The following MICAL3 variants were observed in gnomAD, a reference collection of about 807,000 sequenced individuals.
MICAL3 encodes the protein [F-actin]-monooxygenase MICAL3.
A neutral mutation model predicts 207.4 loss-of-function variants in MICAL3; 62 were observed. The ratio of observed to expected loss-of-function variants is 0.30; its 90% CI spans 0.24 to 0.37. The LOEUF is 0.37. Among genes scored for constraint, MICAL3 ranks in the 10% least tolerant of loss-of-function variants. The pLI, the probability that MICAL3 is intolerant of heterozygous loss-of-function variation, is 1.00. For missense variants in MICAL3, 2,368 were observed against 2,635.6 expected, an observed-to-expected ratio of 0.90 and a Z score of 2.22; for synonymous variants, 1,077 against 1,069.3, an observed-to-expected ratio of 1.01 and a Z score of -0.14.
At chr22:17,958,958 G>C (rs181956851) in intron 1 of MICAL3, among the ~76,000 whole-genome samples, 28 of 150,468 alleles carry the variant, frequency 1.9e-4, no homozygotes, top group Admixed American at 4.6e-4. Context: ...TGCTCGCCTC[G>C]GCCTCGCAAA....
At chr22:17,959,047 G>A (rs9754514) in intron 1 of MICAL3, among the ~76,000 whole-genome samples, 25,077 of 114,576 alleles carry the variant, frequency 0.22, 2,640 homozygotes, top group Middle Eastern at 0.38. Context: ...ATGGAGTCTC[G>A]CTCTGTTGCC....
intron 1 of MICAL3, among the ~76,000 whole-genome samples, chr22:17,984,715 A>T (rs1936076764): frequency 6.6e-6 from 1 of 152,220 alleles, no homozygotes; most frequent in Non-Finnish European, 1.5e-5. Context: ...TATTTATTAA[A>T]CGCTTATAGC....
chr22:17,845,692 A>C (rs555284118), intron 19 of MICAL3, among the ~76,000 whole-genome samples: 1 of 152,230 alleles, frequency 6.6e-6, no homozygotes, highest in East Asian at 1.9e-4. Flanking sequence ...ATGAGGAGGA[A>C]AGGCATCACT....
chr22:17,981,351 C>A (rs1935901274), intron 1 of MICAL3, among the ~76,000 whole-genome samples: 1 of 149,922 alleles, frequency 6.7e-6, no homozygotes. Flanking sequence ...AGGAATAAAA[C>A]AAAAGTGAAA....
At chr22:18,011,524 C>T (rs1966803) in intron 1 of MICAL3, among the ~76,000 whole-genome samples, 8,062 of 151,222 alleles carry the variant, frequency 0.053, 676 homozygotes, top group African/African-American at 0.18. Context: ...GCCGAGATCA[C>T]GCCATTGCAC....
intron 27 of MICAL3, 140 bp from the exon 28 acceptor site, chr22:17,810,953 TGTAGA>T (rs1460583335): frequency 4.0e-5 from 26 of 652,616 alleles, no homozygotes; most frequent in South Asian, 1.2e-4. Flanking sequence ...AGCTGTCCTC[TGTAGA>T]GTAGAGTGCT....
At chr22:18,014,790 G>A (rs1172436536) in intron 1 of MICAL3, among the ~76,000 whole-genome samples, 2 of 151,930 alleles carry the variant, frequency 1.3e-5, no homozygotes, top group Non-Finnish European at 1.5e-5. Context: ...TCAGGAGATC[G>A]AGACCATCCT....
rs1372956027 is a variant in MICAL3 at position 17,900,480 on chromosome 22, T to C, written c.847+362A>G. Among the ~76,000 whole-genome samples the C allele has an allele frequency of 2.6e-5, 4 of 152,012 alleles. No individual in the cohort carries two copies. The highest frequency in any genetic ancestry group is 5.9e-5 in the Non-Finnish European group (4 of 67,994). On this transcript the variant is annotated intron_variant, in intron 6 of 31. Coordinates refer to ENST00000441493, the MANE Select transcript of MICAL3 (RefSeq NM_015241.3). The surrounding 1 kb of genome is among the most constrained non-coding windows in gnomAD (Gnocchi z 4.0). Reference sequence around the variant, plus strand: ...AGCCAGGCATGGTGGAGCTTGCCTGTAGTCCCAGCTACTCAGGAGGCTGAG... The same window carrying C: ...AGCCAGGCATGGTGGAGCTTGCCTGCAGTCCCAGCTACTCAGGAGGCTGAG...
intron 16 of MICAL3, among the ~76,000 whole-genome samples, chr22:17,883,147 C>T (rs1929585130): frequency 6.6e-6 from 1 of 152,212 alleles, no homozygotes; most frequent in Non-Finnish European, 1.5e-5. Context: ...TCTTTCAAAT[C>T]ATATCTTCCA....
At chr22:17,971,548 A>G (rs1935413503) in intron 1 of MICAL3, among the ~76,000 whole-genome samples, 1 of 152,184 alleles carries the variant, frequency 6.6e-6, no homozygotes, top group African/African-American at 2.4e-5. Flanking sequence ...TTCATCTAGC[A>G]TTCATCTAGC....
chr22:17,843,230 C>T (rs965385699), intron 19 of MICAL3, among the ~76,000 whole-genome samples: 4 of 151,724 alleles, frequency 2.6e-5, no homozygotes, highest in African/African-American at 9.7e-5. Flanking sequence ...CTGCTATGGA[C>T]TCGGATTTTT....
At position 17,832,695 on chromosome 22, in the gene MICAL3, T is replaced by C. The variant is rs1393837212; in HGVS notation, c.2802-588A>G. Among the ~76,000 whole-genome samples, 10 of 151,920 alleles carry C rather than the reference T, an allele frequency of 6.6e-5. 1 individual carries two copies. Among genetic ancestry groups the C allele is most frequent in the Non-Finnish European group, 1.2e-4 (8 of 67,992 alleles). ...GTCTAGTTAGAGGAACTCAATTCTG[T>C]GTGACTGCGGCCTGTCAGAAGCCTC... On this transcript the variant is annotated intron_variant, in intron 20 of 31. Transcript: ENST00000441493.
At chr22:17,997,713 T>C (rs1259961748) in intron 1 of MICAL3, among the ~76,000 whole-genome samples, 2 of 152,128 alleles carry the variant, frequency 1.3e-5, no homozygotes, top group Non-Finnish European at 2.9e-5. Context: ...TCACTATCAC[T>C]CCCTTGACCT....
intron 2 of MICAL3, among the ~76,000 whole-genome samples, chr22:17,906,249 G>A (rs571912950): frequency 1.3e-5 from 2 of 152,312 alleles, no homozygotes; most frequent in South Asian, 4.1e-4. Context: ...CAGGGTCTGG[G>A]TCATGCAAGT....
At chr22:17,952,493 T>G (rs1298576845) in intron 1 of MICAL3, among the ~76,000 whole-genome samples, 3 of 152,080 alleles carry the variant, frequency 2.0e-5, no homozygotes, top group Admixed American at 1.3e-4. Context: ...GTCCACCATG[T>G]GGGGAGAAGT....
At chr22:17,837,748 T>C (rs1053537297) in intron 20 of MICAL3, among the ~76,000 whole-genome samples, 2 of 152,204 alleles carry the variant, frequency 1.3e-5, no homozygotes, top group Non-Finnish European at 2.9e-5. Context: ...AAACCATGAA[T>C]TGATTATGAG....
chr22:17,960,772 AAGG>A (rs1934872853), intron 1 of MICAL3, among the ~76,000 whole-genome samples: 1 of 151,962 alleles, frequency 6.6e-6, no homozygotes, highest in African/African-American at 2.4e-5. Flanking sequence ...CAAAGTGGGG[AAGG>A]AGGAGAGGAA....
intron 20 of MICAL3, among the ~76,000 whole-genome samples, chr22:17,835,173 AG>A (rs1455544644): frequency 5.9e-5 from 9 of 152,120 alleles, no homozygotes; most frequent in African/African-American, 1.9e-4. Context: ...CAACAGCTCA[AG>A]GACCACGGGA....
chr22:17,974,955 G>C (rs570200790), intron 1 of MICAL3, among the ~76,000 whole-genome samples: 1 of 152,186 alleles, frequency 6.6e-6, no homozygotes, highest in Non-Finnish European at 1.5e-5. Context: ...TTTCTATGTG[G>C]TAGAAGACAG....
Sources: gnomAD v4.1 joint callset for allele counts (sites outside exome capture counted in the v4.1 genomes callset) on GRCh38, gnomAD v4.1.1 for gene constraint, Gnocchi (gnomAD v3.1) non-coding constraint, MANE v1.5 for transcripts, NCBI Gene and HGNC (gene_info 2026-07-23, HGNC 2026-07-21) for gene names.